Variants in TARS3 observed in about 807,000 individuals in gnomAD.
TARS3 encodes the protein threonine--tRNA ligase 2, cytoplasmic.
Under a neutral mutation model 103.5 loss-of-function variants are expected in TARS3, and 94 were observed. That is an observed-to-expected ratio of 0.91 (90% CI 0.77 to 1.08). TARS3 has a LOEUF of 1.08. TARS3 is among the 50% of genes least tolerant of loss of function. The probability of loss-of-function intolerance (pLI) is 0.00; values close to 1 mark genes in which losing one functional copy is unlikely to be tolerated. For synonymous variants in TARS3, 416 were observed against 355.4 expected (o/e 1.17, Z -1.92); for missense variants, 952 against 995.2 (o/e 0.96, Z 0.58).
intron 12 of TARS3, among the ~76,000 whole-genome samples, chr15:101,678,301 A>G (rs1898115088): frequency 6.6e-6 from 1 of 152,092 alleles, no homozygotes; most frequent in African/African-American, 2.4e-5. Context: ...TTAATCTACT[A>G]TGTCAATCTC....
At position 101,708,902 on chromosome 15, in the gene TARS3, G is replaced by A; in HGVS notation, c.821C>T (p.Ser274Phe). ...YDMFIEDRAV[S>F]STELSALENI... ...CTCCAGGGCTGACAATTCTGTGCTG[G>A]ACACTGCTCTAAAAAGAAGAGCAGA... The change falls in exon 6 of 19, where the codon TCC (serine) becomes TTC (phenylalanine). Residue 274 changes from serine (S) to phenylalanine (F), a missense_variant. This residue lies in a region of TARS3 where 412 missense variants were observed against 364.2 expected (regional missense o/e 1.13). Coordinates refer to ENST00000335968, the MANE Select transcript of TARS3 (RefSeq NM_152334.3). 3.2e-6 allele frequency: 5 copies of A among 1,584,736 alleles called. No homozygotes were observed. Among genetic ancestry groups the A allele is most frequent in the Non-Finnish European group, 2.6e-6 (3 of 1,168,244 alleles).
At chr15:101,663,658 A>G (rs1383030649) in intron 15 of TARS3, among the ~76,000 whole-genome samples, 1 of 152,198 alleles carries the variant, frequency 6.6e-6, no homozygotes, top group African/African-American at 2.4e-5. Flanking sequence ...ATGAAGGCAA[A>G]TTGATTTTTG....
intron 8 of TARS3, 83 bp from the exon 9 acceptor site, chr15:101,702,468 CA>C: frequency 8.3e-7 from 1 of 1,204,404 alleles, no homozygotes; most frequent in South Asian, 1.2e-5. Context: ...TGCAATTTTC[CA>C]CTATCATATC....
At chr15:101,655,582 G>C (rs1294265946) in intron 18 of TARS3, among the ~76,000 whole-genome samples, 11 of 139,796 alleles carry the variant, frequency 7.9e-5, no homozygotes, top group Non-Finnish European at 1.5e-4. Context: ...CCTGGCACTA[G>C]GGCGCAAATG....
intron 5 of TARS3, 123 bp downstream of exon 5, chr15:101,711,757 C>T (rs777906621): frequency 1.5e-5 from 17 of 1,156,220 alleles, no homozygotes; most frequent in African/African-American, 7.8e-5. Flanking sequence ...GCATGGGCGT[C>T]GGTGCCCCTA....
At position 101,714,941 on chromosome 15, in the gene TARS3, C is replaced by A; in HGVS notation, c.589G>T (p.Val197Leu). 6.2e-7 allele frequency: 1 copy of A among 1,610,814 alleles called. No homozygotes were observed. The highest frequency in any genetic ancestry group is 8.5e-7 in the Non-Finnish European group (1 of 1,178,070). The change falls in exon 4 of 19, where the codon GTA becomes TTA. Residue 197 changes from valine to leucine, a missense_variant. By Grantham distance (32) the Val-to-Leu change is conservative (BLOSUM62 1). Coordinates refer to ENST00000335968, the MANE Select transcript of TARS3 (RefSeq NM_152334.3). ...AGTTCACCATTGACTTTGGCTATTA[C>A]CGTGCTTTCAGCCAGTTCCTGACTA... ...EISQELAESTVIAKVNGELWD... is the reference protein window; with the variant it reads ...EISQELAESTLIAKVNGELWD...
At chr15:101,705,181 C>T (rs1294797436) in intron 7 of TARS3, among the ~76,000 whole-genome samples, 1 of 152,188 alleles carries the variant, frequency 6.6e-6, no homozygotes, top group Non-Finnish European at 1.5e-5. Context: ...CTTCACTTGT[C>T]TCCTCTTACA....
intron 15 of TARS3, among the ~76,000 whole-genome samples, chr15:101,667,384 C>G (rs1897621758): frequency 6.6e-6 from 1 of 152,202 alleles, no homozygotes; most frequent in African/African-American, 2.4e-5. Flanking sequence ...CAGTCATTGA[C>G]TTTTCCTTTC....
intron 3 of TARS3, among the ~76,000 whole-genome samples, chr15:101,718,833 G>A (rs1340301374): frequency 6.6e-6 from 1 of 152,156 alleles, no homozygotes; most frequent in African/African-American, 2.4e-5. Context: ...AGCCTACTAT[G>A]GCTAACTGAT....
intron 6 of TARS3, among the ~76,000 whole-genome samples, chr15:101,706,245 C>T (rs1423220356): frequency 6.6e-6 from 1 of 152,164 alleles, no homozygotes; most frequent in Non-Finnish European, 1.5e-5. Flanking sequence ...GCCTTGGCCT[C>T]CCAAAGTACT....
At chr15:101,657,708 T>C in intron 17 of TARS3, 77 bp downstream of exon 17, 8 of 980,284 alleles carry the variant, frequency 8.2e-6, no homozygotes, top group Non-Finnish European at 1.2e-5. Context: ...TTTTAAAGCA[T>C]GAAGGACACT....
chr15:101,660,729 T>A (rs1461289287), intron 16 of TARS3, among the ~76,000 whole-genome samples: 1 of 152,206 alleles, frequency 6.6e-6, no homozygotes, highest in Admixed American at 6.5e-5. Context: ...TCAGAAGAGA[T>A]GTAGCCAGAT....
chr15:101,722,734 G>T (rs1372339082), intron 2 of TARS3, among the ~76,000 whole-genome samples: 1 of 148,664 alleles, frequency 6.7e-6, no homozygotes, highest in African/African-American at 2.5e-5. Flanking sequence ...CAGGAGAATC[G>T]CTTGAACCTG....
At chr15:101,700,986 G>C in intron 10 of TARS3, 100 bp downstream of exon 10, 1 of 744,644 alleles carries the variant, frequency 1.3e-6, no homozygotes. Flanking sequence ...TGTTACCAAA[G>C]TAAAGTTAAT....
Position 101,654,430 on chromosome 15 carries a change from G to T in TARS3, c.*152C>A. 2.6e-6 allele frequency: 2 copies of T among 779,154 alleles called. No individual in the cohort carries two copies. Among genetic ancestry groups the T allele is most frequent in the Non-Finnish European group, 1.9e-6 (1 of 515,076 alleles). The allele number at this position is 779,154 out of a possible 1,614,324, so 48.3% of individuals were successfully genotyped here. On this transcript the variant is annotated 3_prime_UTR_variant, in exon 19 of 19. Coordinates refer to ENST00000335968, the MANE Select transcript of TARS3 (RefSeq NM_152334.3). The stretch of plus-strand genomic sequence containing the variant: ...CATGAGTAAATTAAACTTCGTGCAT[G>T]TCAGCTACACGTTCATCGTCTCCTT...
chr15:101,663,187 GA>G (rs905564940), intron 15 of TARS3, among the ~76,000 whole-genome samples: 2 of 152,056 alleles, frequency 1.3e-5, no homozygotes, highest in Non-Finnish European at 2.9e-5. Flanking sequence ...TAAAGAAGCT[GA>G]AAAAAATTTT....
At chr15:101,716,647 A>C (rs1900172570) in intron 3 of TARS3, among the ~76,000 whole-genome samples, 1 of 152,160 alleles carries the variant, frequency 6.6e-6, no homozygotes. Context: ...ACAATGCTGC[A>C]ATGAACATTC....
At chr15:101,673,848 C>T (rs1270203662) in intron 13 of TARS3, among the ~76,000 whole-genome samples, 1 of 152,172 alleles carries the variant, frequency 6.6e-6, no homozygotes, top group African/African-American at 2.4e-5. Context: ...TCGGCTTCTG[C>T]ACCTATTAAT....
chr15:101,706,200 C>T (rs1348435909), intron 6 of TARS3, among the ~76,000 whole-genome samples: 1 of 152,148 alleles, frequency 6.6e-6, no homozygotes, highest in Non-Finnish European at 1.5e-5. Flanking sequence ...GTTGGCCAGG[C>T]TGGTCTCAAA....
Sources: gnomAD v4.1 joint callset for allele counts (sites outside exome capture counted in the v4.1 genomes callset) on GRCh38, gnomAD v4.1.1 for gene constraint, gnomAD v4.1.1 regional missense constraint, MANE v1.5 for transcripts, NCBI Gene and HGNC (gene_info 2026-07-23, HGNC 2026-07-21) for gene names.